DUSP9: variants seen among roughly 807,000 people sequenced by gnomAD.
DUSP9 encodes dual specificity protein phosphatase 9.
A neutral mutation model predicts 13.2 loss-of-function variants in DUSP9; 4 were observed. The observed-to-expected ratio is 0.30, with a 90% CI of 0.15 to 0.69. The LOEUF (loss-of-function observed/expected upper bound fraction) is 0.69. Among genes scored for constraint, DUSP9 ranks in the 30% least tolerant of loss-of-function variants. The pLI is 0.73. For synonymous variants in DUSP9, 166 were observed against 172.3 expected, an observed-to-expected ratio of 0.96 and a Z score of 0.29; for missense variants, 263 against 355.0, an observed-to-expected ratio of 0.74 and a Z score of 2.08.
At position 153,648,255 on chromosome X, in the gene DUSP9, A is replaced by AT; in HGVS notation, c.302_303insT (p.Glu101AspfsTer39). 8.9e-7 allele frequency: 1 copy of AT among 1,128,181 alleles called. No homozygotes were observed. The highest frequency in any genetic ancestry group is 2.0e-5 in the South Asian group (1 of 50,498). The allele number at this position is 1,128,181 out of a possible 1,213,427, so 93.0% of individuals were successfully genotyped here. A position where few individuals can be genotyped will look rare whatever the true frequency, so the allele number is the denominator to read the frequency against. On this transcript the variant is annotated frameshift_variant, in exon 2 of 4. Coordinates refer to ENST00000342782, the MANE Select transcript of DUSP9 (RefSeq NM_001318503.2). LOFTEE classifies it high-confidence loss of function. ...GCCGAGGCCGAGGCCGAGGAGTGGG[A>AT]GGCCGAGTCGGTGCTGGGCACCCTG...
Position 153,648,089 on chromosome X carries a change from C to T in DUSP9, c.136C>T (p.Leu46=), listed in dbSNP as rs2091195890. Residue 46 remains leucine, a synonymous_variant, in exon 2 of 4, where the codon CTG becomes TTG. Coordinates refer to ENST00000342782, the MANE Select transcript of DUSP9 (RefSeq NM_001318503.2). The stretch of plus-strand genomic sequence containing the variant: ...CATCGGTGGGGCGCTGAGCGTGGCC[C>T]TGCCGGCGCTCCTGCTGCGCCGCCT... The part of the protein sequence containing the change: ...ARIGGALSVA[L]PALLLRRLRR... 2.0e-6 allele frequency: 2 copies of T among 1,025,482 alleles called. No individual in the cohort carries two copies. The highest frequency in any genetic ancestry group is 2.5e-6 in the Non-Finnish European group (2 of 809,508). 84.5% of individuals were successfully genotyped at this position (1,025,482 alleles called of 1,213,427 possible).
In DUSP9 at chrX:153,648,387, C is replaced by G. The variant is rs2091197976; in HGVS notation, c.373+61C>G. 11 of 1,031,163 alleles carry G rather than the reference C, an allele frequency of 1.1e-5. No homozygotes were observed. In the South Asian group the frequency reaches 2.9e-4, roughly 28 times the overall value. The allele number at this position is 1,031,163 out of a possible 1,213,427, so 85.0% of individuals were successfully genotyped here. Reference sequence around the variant, plus strand: ...GGATTCATTTGACCTTAGGCCAGCCCCACTTCTTTTTTTCTAAAGCGAGTT... The same window carrying G: ...GGATTCATTTGACCTTAGGCCAGCCGCACTTCTTTTTTTCTAAAGCGAGTT... On this transcript the variant is annotated intron_variant, in intron 2 of 3. Transcript: ENST00000342782.
At chrX:153,644,352 C>T (rs1254956332), upstream of DUSP9, among the ~76,000 whole-genome samples, 2 of 104,034 alleles carry the variant, frequency 1.9e-5, no homozygotes, top group Non-Finnish European at 4.0e-5. Context: ...GCAGCGAGCG[C>T]GCGGCCTGGC....
At position 153,647,944 on chromosome X, in the gene DUSP9, C is replaced by A; in HGVS notation, c.-10C>A. On this transcript the variant is annotated 5_prime_UTR_variant, in exon 2 of 4. Transcript: ENST00000342782. ...CGCCCGTGGTCCAGCGTGTAGGGAG[C>A]CGATCGCCCATGGAGGGTCTGGGCC... 1.9e-6 allele frequency: 2 copies of A among 1,045,069 alleles called. No individual in the cohort carries two copies. Among genetic ancestry groups the A allele is most frequent in the Non-Finnish European group, 2.4e-6 (2 of 818,163 alleles). The allele number at this position is 1,045,069 out of a possible 1,213,427, so 86.1% of individuals were successfully genotyped here.
At position 153,650,143 on chromosome X, in the gene DUSP9, C is replaced by G; in HGVS notation, c.993C>G (p.Phe331Leu). 2 of 1,212,473 alleles carry G rather than the reference C, an allele frequency of 1.6e-6. No individual in the cohort carries two copies. The highest frequency in any genetic ancestry group is 4.3e-5 in the Admixed American group (2 of 46,166). Reference sequence around the variant, plus strand: ...AGAAGTCTAACATCTCCCCCAACTTCAACTTCATGGGGCAGTTGCTGGACT... The same window carrying G: ...AGAAGTCTAACATCTCCCCCAACTTGAACTTCATGGGGCAGTTGCTGGACT... ...KRKKSNISPN[F>L]NFMGQLLDFE... The change falls in exon 4 of 4, where the codon TTC (phenylalanine) becomes TTG (leucine). Residue 331 changes from phenylalanine (F) to leucine (L), a missense_variant. Coordinates refer to ENST00000342782, the MANE Select transcript of DUSP9 (RefSeq NM_001318503.2).
intron 2 of DUSP9, 134 bp downstream of exon 2, chrX:153,648,460 A>C (rs1025896485): frequency 1.3e-6 from 1 of 774,847 alleles, no homozygotes; most frequent in Non-Finnish European, 1.7e-6. Context: ...GAGAGGAGGG[A>C]AGCCTGAGTG....
rs1278315570 is a variant in DUSP9 at position 153,650,025 on chromosome X, C to A, written c.875C>A (p.Ala292Glu). ...QNCGVLVHCL[A>E]GVSRSVTVTV... Reference sequence around the variant, plus strand: ...TGCGGGGTGCTCGTCCACTGCTTGGCGGGGGTCAGCCGTTCTGTCACCGTC... The same window carrying A: ...TGCGGGGTGCTCGTCCACTGCTTGGAGGGGGTCAGCCGTTCTGTCACCGTC... The change falls in exon 4 of 4, where the codon GCG becomes GAG. Residue 292 changes from alanine to glutamate, a missense_variant. Transcript: ENST00000342782. 1 of 1,208,651 alleles carries A rather than the reference C, an allele frequency of 8.3e-7. No homozygotes were observed. Among genetic ancestry groups the A allele is most frequent in the Non-Finnish European group, 1.1e-6 (1 of 894,915 alleles).
At chrX:153,649,891 G>A (rs2091206588) in intron 3 of DUSP9, 89 bp from the exon 4 acceptor site, 3 of 1,075,174 alleles carry the variant, frequency 2.8e-6, no homozygotes, top group Admixed American at 2.6e-5. Context: ...CCAGGGGGCA[G>A]GGCGGGGCCT....
At position 153,649,438 on chromosome X, in the gene DUSP9, C is replaced by G. The variant is rs1557036096; in HGVS notation, c.580C>G (p.Pro194Ala). The G allele has an allele frequency of 3.3e-6, 4 of 1,211,539 alleles. No homozygotes were observed. The highest frequency in any genetic ancestry group is 5.9e-5 in the East Asian group (2 of 33,833). Residue 194 changes from proline (P) to alanine (A), a missense_variant, in exon 3 of 4, where the codon CCC (proline) becomes GCC (alanine). Physicochemically the swap from Pro to Ala is conservative, Grantham distance 27. Coordinates refer to ENST00000342782, the MANE Select transcript of DUSP9 (RefSeq NM_001318503.2). ...TGGCCTGGATTCGGAGGGTGCCACA[C>G]CCCCACCAGTGGGGCTGCGGGCATC... ...SCGLDSEGAT[P>A]PPVGLRASFP... is the part of the protein sequence containing the mutation.
chrX:153,646,338 G>A (rs782746718), upstream of DUSP9, among the ~76,000 whole-genome samples: 4 of 108,253 alleles, frequency 3.7e-5, no homozygotes, highest in Middle Eastern at 4.7e-3. Context: ...GTTGGGCAGG[G>A]CTGGGCAGGG....
At chrX:153,642,520 G>T, upstream of DUSP9, 1 of 114,548 alleles carries the variant, frequency 8.7e-6, no homozygotes, top group South Asian at 3.0e-4. Flanking sequence ...GGTGGCGTTA[G>T]GCTGCAGCAG....
chrX:153,649,633 G>A lies in DUSP9; in HGVS notation c.775G>A (p.Asp259Asn), dbSNP rs782238925. Residue 259 changes from aspartate (D) to asparagine (N), a missense_variant, in exon 3 of 4, where the codon GAC becomes AAC. Physicochemically the swap from Asp to Asn is conservative, Grantham distance 23. Coordinates refer to ENST00000342782, the MANE Select transcript of DUSP9 (RefSeq NM_001318503.2). ...TCACTACAAGCAGATCCCCATCTCC[G>A]ACCACTGGAGCCAGAACCTGTCGCG... ...DFHYKQIPIS[D>N]HWSQNLSRFF... 8.3e-7 allele frequency: 1 copy of A among 1,211,583 alleles called. No individual in the cohort carries two copies. The highest frequency in any genetic ancestry group is 2.2e-5 in the Admixed American group (1 of 46,114).
intron 2 of DUSP9, among the ~76,000 whole-genome samples, chrX:153,648,603 G>A (rs781839511): frequency 3.6e-5 from 4 of 111,457 alleles, no homozygotes; most frequent in Middle Eastern, 4.7e-3. Flanking sequence ...CCAGGGTCTC[G>A]GCAAGGGTAT....
At position 153,650,450 on chromosome X, in the gene DUSP9, G is replaced by A. The variant is rs1213992379; in HGVS notation, c.*145G>A. The A allele has an allele frequency of 2.2e-5, 10 of 459,709 alleles. No homozygotes were observed. The South Asian group carries it at 2.5e-4, about 11-fold the overall frequency. The allele number at this position is 459,709 out of a possible 1,213,427, so 37.9% of individuals were successfully genotyped here. A position where few individuals can be genotyped will look rare whatever the true frequency, so the allele number is the denominator to read the frequency against. On this transcript the variant is annotated 3_prime_UTR_variant, in exon 4 of 4. Transcript: ENST00000342782. ...AGCGCAATACCTCACGCGGGCTGCC[G>A]TCCTAATCAACGTGCCTATGGCGGG...
chrX:153,648,238 C>G lies in DUSP9; in HGVS notation c.285C>G (p.Ala95=). The G allele has an allele frequency of 8.9e-7, 1 of 1,118,551 alleles. No homozygotes were observed. The highest frequency in any genetic ancestry group is 1.2e-6 in the Non-Finnish European group (1 of 857,018). The allele number at this position is 1,118,551 out of a possible 1,213,427, so 92.2% of individuals were successfully genotyped here. A position where few individuals can be genotyped will look rare whatever the true frequency, so the allele number is the denominator to read the frequency against. ...GGRRRRGEAE[A]EAEEWEAESV... ...GGCGCCGGCGCGGGGAGGCCGAGGC[C>G]GAGGCCGAGGAGTGGGAGGCCGAGT... The change falls in exon 2 of 4, where the codon GCC becomes GCG. Residue 95 remains alanine, a synonymous_variant. Transcript: ENST00000342782.
rs1265384329 is a variant in DUSP9 at position 153,650,971 on chromosome X, G to A, written c.*666G>A. 3 of 111,065 alleles carry A rather than the reference G, an allele frequency of 2.7e-5. No homozygotes were observed. Among genetic ancestry groups the A allele is most frequent in the African/African-American group, 9.8e-5 (3 of 30,462 alleles). The allele number at this position is 111,065 out of a possible 1,213,427, so 9.2% of individuals were successfully genotyped here. A position where few individuals can be genotyped will look rare whatever the true frequency, so the allele number is the denominator to read the frequency against. On this transcript the variant is annotated 3_prime_UTR_variant, in exon 4 of 4. Coordinates refer to ENST00000342782, the MANE Select transcript of DUSP9 (RefSeq NM_001318503.2). ...ATGGGGTCTCAGAGCGAGAGCTGCG[G>A]AGGGGGAGGGGAAGAAGAAGGCCTC...
At position 153,650,298 on chromosome X, in the gene DUSP9, C is replaced by G; in HGVS notation, c.1148C>G (p.Pro383Arg). ...AGTGATGGCGCCTTCGAGCTGGCCC[C>G]CACCTAGGGCCCCGTGGCCGGCAGG... is the stretch of plus-strand genomic sequence containing the variant. ...PTSDGAFELA[P>R]T The change falls in exon 4 of 4, where the codon CCC (proline) becomes CGC (arginine). Residue 383 changes from proline to arginine, a missense_variant. By Grantham distance (103) the Pro-to-Arg change is moderately radical. Coordinates refer to ENST00000342782, the MANE Select transcript of DUSP9 (RefSeq NM_001318503.2). 8.5e-7 allele frequency: 1 copy of G among 1,176,472 alleles called. No homozygotes were observed. The highest frequency in any genetic ancestry group is 1.1e-6 in the Non-Finnish European group (1 of 875,042).
rs1353914401 is a variant in DUSP9 at position 153,650,399 on chromosome X, C to T, written c.*94C>T. On this transcript the variant is annotated 3_prime_UTR_variant, in exon 4 of 4. Coordinates refer to ENST00000342782, the MANE Select transcript of DUSP9 (RefSeq NM_001318503.2). ...CAAGGGAGGGGAGGGCAGGAGGGCTCGGCCTGAGCAGGGTGCTGGGGGGAG... is the reference window on the plus strand; with the variant it reads ...CAAGGGAGGGGAGGGCAGGAGGGCTTGGCCTGAGCAGGGTGCTGGGGGGAG... The T allele has an allele frequency of 7.2e-6, 5 of 692,188 alleles. No individual in the cohort carries two copies. Among genetic ancestry groups the T allele is most frequent in the African/African-American group, 4.4e-5 (2 of 45,617 alleles). The allele number at this position is 692,188 out of a possible 1,213,427, so 57.0% of individuals were successfully genotyped here. A position where few individuals can be genotyped will look rare whatever the true frequency, so the allele number is the denominator to read the frequency against.
upstream of DUSP9, among the ~76,000 whole-genome samples, chrX:153,642,821 T>G (rs2091174111): frequency 9.2e-6 from 1 of 108,853 alleles, no homozygotes; most frequent in Admixed American, 9.6e-5. Context: ...TCCTGCCACT[T>G]GCACCGGCTG....
Sources: gnomAD v4.1 joint callset for allele counts (sites outside exome capture counted in the v4.1 genomes callset) on GRCh38, gnomAD v4.1.1 for gene constraint, MANE v1.5 for transcripts, NCBI Gene and HGNC (gene_info 2026-07-23, HGNC 2026-07-21) for gene names.